IMPG2: variants seen among roughly 807,000 people sequenced by gnomAD.
IMPG2 encodes IPM 200.
A neutral mutation model predicts 129.2 loss-of-function variants in IMPG2; 91 were observed. That is an observed-to-expected ratio of 0.70 (90% confidence interval 0.59 to 0.84). The LOEUF is 0.84. Among genes scored for constraint, IMPG2 ranks in the 40% least tolerant of loss-of-function variants. IMPG2 has a pLI of 0.00. For synonymous variants in IMPG2, 510 were observed against 517.7 expected (o/e 0.99, Z 0.20); for missense variants, 1,430 against 1,461.7 (o/e 0.98, Z 0.35).
chr3:101,279,593 G>C (rs1576761501), intron 4 of IMPG2, among the ~76,000 whole-genome samples: 1 of 152,264 alleles, frequency 6.6e-6, no homozygotes, highest in East Asian at 1.9e-4. Context: ...CCAGATATAA[G>C]GATCACAATA....
At chr3:101,317,358 G>A (rs2107146977) in intron 2 of IMPG2, among the ~76,000 whole-genome samples, 1 of 152,130 alleles carries the variant, frequency 6.6e-6, no homozygotes, top group East Asian at 1.9e-4. Flanking sequence ...ATATAGTTGT[G>A]TCTTGCTTAG....
chr3:101,270,672 C>T (rs1268012484), intron 7 of IMPG2, among the ~76,000 whole-genome samples: 1 of 151,886 alleles, frequency 6.6e-6, no homozygotes, highest in African/African-American at 2.4e-5. Flanking sequence ...TGGTGGTGGG[C>T]GCCTGTAGTC....
At chr3:101,268,153 A>AT (rs577499395) in intron 8 of IMPG2, among the ~76,000 whole-genome samples, 4 of 152,180 alleles carry the variant, frequency 2.6e-5, no homozygotes, top group Admixed American at 6.6e-5. Context: ...TTTCAAAAGC[A>AT]TTTTTTTAAT....
At chr3:101,279,085 G>T (rs1222052741) in intron 4 of IMPG2, among the ~76,000 whole-genome samples, 1 of 152,144 alleles carries the variant, frequency 6.6e-6, no homozygotes, top group Non-Finnish European at 1.5e-5. Context: ...AAAGAAATAA[G>T]GTCCAAACAG....
intron 7 of IMPG2, among the ~76,000 whole-genome samples, chr3:101,272,702 G>A (rs3773920): frequency 6.6e-6 from 1 of 152,026 alleles, no homozygotes; most frequent in African/African-American, 2.4e-5. Flanking sequence ...AAATTGTCTG[G>A]CCTCCCCTTC....
At position 101,273,435 on chromosome 3, in the gene IMPG2, T is replaced by C. The variant is rs376845814; in HGVS notation, c.828+146A>G. 2.3e-4 allele frequency: 177 copies of C among 772,782 alleles called. 1 individual carries two copies. In the South Asian group the frequency reaches 2.7e-3, roughly 12 times the overall value. 47.9% of individuals were successfully genotyped at this position (772,782 alleles called of 1,614,324 possible). A position where few individuals can be genotyped will look rare whatever the true frequency, so the allele number is the denominator to read the frequency against. On this transcript the variant is annotated intron_variant, in intron 7 of 18. Coordinates refer to ENST00000193391, the MANE Select transcript of IMPG2 (RefSeq NM_016247.4). ...TCTGTCCTATGACTTTTCACAGAGT[T>C]TTCTGAAGAAATGGCTAAGTAACCA... is the stretch of plus-strand genomic sequence containing the variant.
intron 4 of IMPG2, among the ~76,000 whole-genome samples, chr3:101,278,858 TAAAGGGA>T (rs1706864760): frequency 6.6e-6 from 1 of 152,150 alleles, no homozygotes; most frequent in Non-Finnish European, 1.5e-5. Flanking sequence ...TAGAAGAACC[TAAAGGGA>T]TATGACATCT....
intron 9 of IMPG2, among the ~76,000 whole-genome samples, chr3:101,262,044 C>T (rs954631991): frequency 1.3e-5 from 2 of 152,048 alleles, no homozygotes; most frequent in South Asian, 2.1e-4. Flanking sequence ...CTTTCTTATT[C>T]TTTCTCCTCA....
At chr3:101,252,297 G>A (rs1706553230) in intron 11 of IMPG2, among the ~76,000 whole-genome samples, 1 of 152,040 alleles carries the variant, frequency 6.6e-6, no homozygotes, top group Non-Finnish European at 1.5e-5. Context: ...TCTATAGTTG[G>A]ATCCAGCTAG....
intron 17 of IMPG2, 101 bp from the exon 18 acceptor site, chr3:101,228,977 G>A: frequency 1.1e-6 from 1 of 881,000 alleles, no homozygotes; most frequent in South Asian, 1.4e-5. Flanking sequence ...TTACATTCTG[G>A]GCTATTCAGA....
intron 3 of IMPG2, among the ~76,000 whole-genome samples, chr3:101,297,071 G>A (rs770908051): frequency 3.3e-5 from 5 of 152,120 alleles, no homozygotes; most frequent in Non-Finnish European, 7.4e-5. Context: ...CACCACGCCT[G>A]GCTAATTTTT....
chr3:101,244,800 T>G lies in IMPG2; in HGVS notation c.1544-13A>C. 2 of 1,610,100 alleles carry G rather than the reference T, an allele frequency of 1.2e-6. No homozygotes were observed. Among genetic ancestry groups the G allele is most frequent in the Non-Finnish European group, 1.7e-6 (2 of 1,176,976 alleles). ...ACATTGGCTAATCCTAAAAATAAAG[T>G]TTTCCATTAATTAATCTACAGAGTT... On this transcript the variant is annotated splice_polypyrimidine_tract_variant and intron_variant, in intron 12 of 18. Coordinates refer to ENST00000193391, the MANE Select transcript of IMPG2 (RefSeq NM_016247.4).
intron 2 of IMPG2, among the ~76,000 whole-genome samples, chr3:101,319,216 ATGT>A (rs2058798601): frequency 6.6e-6 from 1 of 152,128 alleles, no homozygotes; most frequent in African/African-American, 2.4e-5. Flanking sequence ...CTCTCTGAAT[ATGT>A]TGTTGAAATT....
chr3:101,300,180 G>A (rs1311639988), intron 3 of IMPG2, among the ~76,000 whole-genome samples: 1 of 152,254 alleles, frequency 6.6e-6, no homozygotes, highest in East Asian at 1.9e-4. Flanking sequence ...CGCTCTGTCC[G>A]CAGTCTGCCA....
chr3:101,313,070 G>C (rs1309998908), intron 2 of IMPG2, among the ~76,000 whole-genome samples: 1 of 152,088 alleles, frequency 6.6e-6, no homozygotes, highest in African/African-American at 2.4e-5. Context: ...TAATTTTGTA[G>C]TATGAATGGG....
At chr3:101,290,963 T>A (rs75063276) in intron 4 of IMPG2, among the ~76,000 whole-genome samples, 2,676 of 152,300 alleles carry the variant, frequency 0.018, 90 homozygotes, top group African/African-American at 0.061. Context: ...CCTTACCTTC[T>A]GTCATCTTCT....
At chr3:101,253,637 G>T in intron 11 of IMPG2, 59 bp downstream of exon 11, 1 of 1,119,718 alleles carries the variant, frequency 8.9e-7, no homozygotes, top group Non-Finnish European at 1.4e-6. Context: ...GTAAGCAGGT[G>T]CAGGAAGAAA....
chr3:101,302,526 C>T (rs1321361499), intron 3 of IMPG2, among the ~76,000 whole-genome samples: 1 of 152,088 alleles, frequency 6.6e-6, no homozygotes, highest in African/African-American at 2.4e-5. Flanking sequence ...GAAAAGAGAA[C>T]TGGGTTTGGA....
In IMPG2 at chr3:101,226,856, T is replaced by C; in HGVS notation, c.*113A>G. The C allele has an allele frequency of 2.6e-6, 3 of 1,159,516 alleles. No individual in the cohort carries two copies. The highest frequency in any genetic ancestry group is 4.0e-4 in the Middle Eastern group (2 of 5,026). 71.8% of individuals were successfully genotyped at this position (1,159,516 alleles called of 1,614,324 possible). A position where few individuals can be genotyped will look rare whatever the true frequency, so the allele number is the denominator to read the frequency against. ...GTGTGCCCTATATTTAATTTTTTCATAGAAAACTCTTCTTCCAACAGTGTT... is the reference window on the plus strand; with the variant it reads ...GTGTGCCCTATATTTAATTTTTTCACAGAAAACTCTTCTTCCAACAGTGTT... On this transcript the variant is annotated 3_prime_UTR_variant, in exon 19 of 19. Coordinates refer to ENST00000193391, the MANE Select transcript of IMPG2 (RefSeq NM_016247.4).
Sources: allele counts gnomAD v4.1 joint callset (sites outside exome capture counted in the v4.1 genomes callset), GRCh38; gene constraint gnomAD v4.1.1; transcripts MANE v1.5; gene names NCBI Gene and HGNC (gene_info 2026-07-23, HGNC 2026-07-21).